Variants in TMEM51 observed in about 807,000 individuals in gnomAD.
TMEM51 encodes the protein transmembrane protein 51.
In TMEM51, 8 loss-of-function variants were observed where a neutral mutation model predicts 13.6. The ratio of observed to expected loss-of-function variants is 0.59; its 90% CI spans 0.35 to 1.07. The LOEUF is 1.07. Ranked by LOEUF, TMEM51 falls within the 50% of genes least tolerant of loss-of-function variation. TMEM51 has a pLI of 0.02. For missense variants in TMEM51, 279 were observed against 330.7 expected (o/e 0.84, Z 1.21); for synonymous variants, 147 against 144.4 (o/e 1.02, Z -0.13).
chr1:15,217,083 G>A (rs1644443180), intron 3 of TMEM51, among the ~76,000 whole-genome samples: 2 of 152,194 alleles, frequency 1.3e-5, no homozygotes, highest in African/African-American at 2.4e-5. Flanking sequence ...GTACACTAAT[G>A]GTGGGAATGT....
chr1:15,183,137 C>A (rs1643671123), intron 1 of TMEM51, among the ~76,000 whole-genome samples: 1 of 152,228 alleles, frequency 6.6e-6, no homozygotes, highest in African/African-American at 2.4e-5. Context: ...AGAATCAACA[C>A]TCTTTGGGAA....
At position 15,162,848 on chromosome 1, in the gene TMEM51, G is replaced by T. The variant is rs186011664; in HGVS notation, c.-267+8894G>T. Among the ~76,000 whole-genome samples the T allele has an allele frequency of 8.9e-4, 136 of 152,134 alleles. 3 individuals are homozygous for T. Among genetic ancestry groups the T allele is most frequent in the African/African-American group, 3.2e-3 (132 of 41,408 alleles). ...GGAAAGTAGAATGTTGGTTGCCAGG[G>T]GCTGGGGGAAGAGGAATGGGGAGTT... On this transcript the variant is annotated intron_variant, in intron 1 of 3. Coordinates refer to ENST00000376008, the MANE Select transcript of TMEM51 (RefSeq NM_001136218.2).
chr1:15,217,053 T>C (rs1020645133), intron 3 of TMEM51, among the ~76,000 whole-genome samples: 5 of 152,224 alleles, frequency 3.3e-5, no homozygotes, highest in South Asian at 2.1e-4. Context: ...TAATGTAATA[T>C]GGATTAAAGG....
intron 1 of TMEM51, among the ~76,000 whole-genome samples, chr1:15,154,943 C>T (rs1573361363): frequency 1.3e-5 from 2 of 152,090 alleles, no homozygotes; most frequent in South Asian, 4.1e-4. Flanking sequence ...GGTAAGTCAG[C>T]GGGTGGAAGG....
At chr1:15,183,341 T>C (rs1288285469) in intron 1 of TMEM51, among the ~76,000 whole-genome samples, 4 of 152,194 alleles carry the variant, frequency 2.6e-5, no homozygotes, top group Non-Finnish European at 5.9e-5. Flanking sequence ...TAAGGCAGTA[T>C]CGTGCAGAGG....
At chr1:15,185,939 C>T (rs1035237171) in intron 1 of TMEM51, among the ~76,000 whole-genome samples, 1 of 152,200 alleles carries the variant, frequency 6.6e-6, no homozygotes, top group Non-Finnish European at 1.5e-5. Context: ...AGAACCATGT[C>T]TACCCCATTA....
At chr1:15,170,889 T>C (rs1285955379) in intron 1 of TMEM51, among the ~76,000 whole-genome samples, 1 of 152,032 alleles carries the variant, frequency 6.6e-6, no homozygotes, top group Non-Finnish European at 1.5e-5. Flanking sequence ...CCACCACGCC[T>C]GGCTAATTTT....
intron 1 of TMEM51, among the ~76,000 whole-genome samples, chr1:15,198,462 G>T (rs1194756630): frequency 6.6e-6 from 1 of 152,080 alleles, no homozygotes; most frequent in East Asian, 1.9e-4. Flanking sequence ...TGTTGCCCAG[G>T]CTGGAGTGCA....
chr1:15,201,797 G>T (rs1644160897), intron 1 of TMEM51, among the ~76,000 whole-genome samples: 2 of 152,150 alleles, frequency 1.3e-5, no homozygotes, highest in Non-Finnish European at 2.9e-5. Context: ...GGCTAAAAAA[G>T]AAAATGTCCA....
intron 2 of TMEM51, among the ~76,000 whole-genome samples, chr1:15,213,382 AG>A (rs1204224057): frequency 1.3e-5 from 2 of 152,248 alleles, no homozygotes; most frequent in Non-Finnish European, 1.5e-5. Flanking sequence ...GATTTCAAGC[AG>A]CCTGGTCAGT....
intron 1 of TMEM51, chr1:15,171,122 C>G: frequency 7.8e-7 from 1 of 1,275,728 alleles, no homozygotes; most frequent in Non-Finnish European, 1.0e-6. Flanking sequence ...GCCACATCCC[C>G]CACCCCCAGT....
chr1:15,211,784 G>A (rs1215637700), intron 2 of TMEM51, among the ~76,000 whole-genome samples: 3 of 125,670 alleles, frequency 2.4e-5, no homozygotes, highest in Non-Finnish European at 3.4e-5. Context: ...AGTTTCCTTC[G>A]TCCCCAGAAG....
rs576209153 is a variant in TMEM51, at chr1:15,157,351, G to A, written c.-267+3397G>A. Among the ~76,000 whole-genome samples the A allele has an allele frequency of 5.3e-5, 8 of 152,254 alleles. No homozygotes were observed. In the South Asian group the frequency reaches 8.3e-4, roughly 16 times the overall value. On this transcript the variant is annotated intron_variant, in intron 1 of 3. Coordinates refer to ENST00000376008, the MANE Select transcript of TMEM51 (RefSeq NM_001136218.2). The stretch of plus-strand genomic sequence containing the variant: ...CTTAGCAGCCCTTAAACCTGAATGC[G>A]TAGCTTCAGATCTTAGAATATCGGG...
At chr1:15,194,129 T>C (rs1390359567) in intron 1 of TMEM51, among the ~76,000 whole-genome samples, 1 of 152,230 alleles carries the variant, frequency 6.6e-6, no homozygotes, top group Admixed American at 6.5e-5. Flanking sequence ...CTTGAAAGTT[T>C]ACCTCCTGCA....
At chr1:15,179,793 C>T (rs1643559145) in intron 1 of TMEM51, among the ~76,000 whole-genome samples, 2 of 152,158 alleles carry the variant, frequency 1.3e-5, no homozygotes, top group African/African-American at 2.4e-5. Context: ...AAAAGCAACA[C>T]AAACAAATGC....
intron 1 of TMEM51, among the ~76,000 whole-genome samples, chr1:15,186,012 A>C (rs1055529101): frequency 6.6e-6 from 1 of 152,230 alleles, no homozygotes; most frequent in African/African-American, 2.4e-5. Flanking sequence ...TGAGGGCTCC[A>C]ACAGCTGGAA....
intron 1 of TMEM51, among the ~76,000 whole-genome samples, chr1:15,173,676 T>A (rs1188686623): frequency 2.1e-5 from 3 of 145,286 alleles, no homozygotes; most frequent in Non-Finnish European, 4.5e-5. Flanking sequence ...AAACTCCATC[T>A]AAAAAAAAAA....
chr1:15,188,697 G>A (rs768299113), intron 1 of TMEM51, among the ~76,000 whole-genome samples: 2 of 152,340 alleles, frequency 1.3e-5, no homozygotes, highest in East Asian at 3.9e-4. Context: ...TTGGTGTTAG[G>A]CTTTTGTAAA....
chr1:15,168,712 G>C (rs763567184), intron 1 of TMEM51: 4 of 1,304,352 alleles, frequency 3.1e-6, no homozygotes, highest in Non-Finnish European at 4.0e-6. Context: ...CCCAGGGTGA[G>C]CCAGTGACTG....
Sources: gnomAD v4.1 joint callset for allele counts (sites outside exome capture counted in the v4.1 genomes callset) on GRCh38, gnomAD v4.1.1 for gene constraint, MANE v1.5 for transcripts, NCBI Gene and HGNC (gene_info 2026-07-23, HGNC 2026-07-21) for gene names.